NOP14: variants seen among roughly 807,000 people sequenced by gnomAD.
NOP14 encodes the protein NOP14 nucleolar protein.
NOP14 carries 57 observed loss-of-function variants against 101.6 expected under a neutral mutation model. The ratio of observed to expected loss-of-function variants is 0.56; its 90% CI spans 0.45 to 0.70. NOP14 has a LOEUF of 0.70. Among genes scored for constraint, NOP14 ranks in the 30% least tolerant of loss-of-function variants. The probability of loss-of-function intolerance (pLI) is 0.00; values close to 1 mark genes in which losing one functional copy is unlikely to be tolerated. For missense variants in NOP14, 1,134 were observed against 1,075.5 expected (o/e 1.05, Z -0.76); for synonymous variants, 428 against 424.0 (o/e 1.01, Z -0.12).
At position 2,939,087 on chromosome 4, in the gene NOP14, C is replaced by G. The variant is rs1040537540; in HGVS notation, c.2474+101G>C. ...CCTGGCTCCAACCCCCAGCCAGAGC[C>G]AAGGCTGTGGGATGCCAGGTGCCCG... On this transcript the variant is annotated intron_variant, in intron 17 of 17. Coordinates refer to ENST00000416614, the MANE Select transcript of NOP14 (RefSeq NM_001291978.2). The G allele has an allele frequency of 1.9e-6, 3 of 1,555,594 alleles. No homozygotes were observed. In the African/African-American group the frequency reaches 4.1e-5, roughly 21 times the overall value.
At chr4:2,948,059 G>A (rs1484938335) in intron 9 of NOP14, among the ~76,000 whole-genome samples, 1 of 152,246 alleles carries the variant, frequency 6.6e-6, no homozygotes, top group East Asian at 1.9e-4. Context: ...GCCTCTGGCT[G>A]GGTCTGGCAC....
In NOP14 at chr4:2,939,334, A is replaced by C. The variant is rs1221240017; in HGVS notation, c.2328T>G (p.Phe776Leu). 6.2e-6 allele frequency: 10 copies of C among 1,613,900 alleles called. No individual in the cohort carries two copies. The highest frequency in any genetic ancestry group is 8.5e-6 in the Non-Finnish European group (10 of 1,180,038). ...FTPRLVKVLE[F>L]GRKQGSSKEE... ...CCTTACTACTGCCTTGTTTTCTTCC[A>C]AACTCGAGGCTACAACCAGAAAGCC... Residue 776 changes from phenylalanine to leucine, a missense_variant, in exon 17 of 18, where the codon TTT becomes TTG. Phe to Leu is a conservative substitution (Grantham distance 22, BLOSUM62 0). Transcript: ENST00000416614.
chr4:2,957,572 A>G (rs1577849736), intron 2 of NOP14, 34 bp downstream of exon 2: 12 of 1,611,348 alleles, frequency 7.4e-6, no homozygotes. Context: ...TGTGAAATGT[A>G]CAGCAAAAAC....
chr4:2,939,274 G>A lies in NOP14; in HGVS notation c.2388C>T (p.His796=), dbSNP rs568065565. 2 of 1,614,018 alleles carry A rather than the reference G, an allele frequency of 1.2e-6. No homozygotes were observed. Among genetic ancestry groups the A allele is most frequent in the East Asian group, 2.2e-5 (1 of 44,882 alleles). ...GAACGGCCCCTTTAAATTCACGCTT[G>A]TGTTTGTGGATCAGCCTCTTCCTTT... is the stretch of plus-strand genomic sequence containing the variant. ...EQERKRLIHK[H]KREFKGAVRE... The change falls in exon 17 of 18, where the codon CAC becomes CAT. Residue 796 remains histidine (H), a synonymous_variant. Transcript: ENST00000416614.
At chr4:2,958,466 T>C (rs561102395) in intron 1 of NOP14, among the ~76,000 whole-genome samples, 1 of 152,158 alleles carries the variant, frequency 6.6e-6, no homozygotes, top group South Asian at 2.1e-4. Context: ...ACTTCTTCTA[T>C]TTGCTAAGGA....
chr4:2,959,402 G>C (rs1263329), intron 1 of NOP14, among the ~76,000 whole-genome samples: 79,305 of 151,820 alleles, frequency 0.52, 21,216 homozygotes, highest in Non-Finnish European at 0.59. Flanking sequence ...ACCATCCTGG[G>C]TAACATGGTG....
chr4:2,961,515 A>C (rs1715899736), intron 1 of NOP14: 1 of 152,170 alleles, frequency 6.6e-6, no homozygotes, highest in African/African-American at 2.4e-5. Context: ...AACCCACATG[A>C]AAAGACCCAG....
intron 12 of NOP14, 59 bp from the exon 13 acceptor site, chr4:2,944,285 G>A (rs1714444933): frequency 5.9e-6 from 9 of 1,533,168 alleles, no homozygotes; most frequent in Middle Eastern, 2.1e-4. Context: ...ATGCTAGGCC[G>A]ACCACCGGGC....
rs765401839 is a variant in NOP14 at position 2,946,473 on chromosome 4, A to G, written c.1574T>C (p.Met525Thr). ...CTCAATCATTTCTTCCATCTCATGCATCGCATCTCGGAGAACAAATTTGAT... is the reference window on the plus strand; with the variant it reads ...CTCAATCATTTCTTCCATCTCATGCGTCGCATCTCGGAGAACAAATTTGAT... ...DAIKFVLRDA[M>T]HEMEEMIETK... The change falls in exon 11 of 18, where the codon ATG becomes ACG. Residue 525 changes from methionine (M) to threonine (T), a missense_variant. Transcript: ENST00000416614. 1.2e-5 allele frequency: 19 copies of G among 1,614,114 alleles called. No individual in the cohort carries two copies. The South Asian group carries it at 1.2e-4, about 10-fold the overall frequency.
At chr4:2,947,357 C>T (rs914963129) in intron 10 of NOP14, 169 bp downstream of exon 10, 7 of 608,818 alleles carry the variant, frequency 1.1e-5, no homozygotes, top group Admixed American at 5.9e-5. Context: ...GAGAAGCCGG[C>T]TTGCGCTGTG....
At chr4:2,947,683 C>G (rs1304847869) in intron 9 of NOP14, 72 bp from the exon 10 acceptor site, 7 of 1,234,848 alleles carry the variant, frequency 5.7e-6, no homozygotes, top group Non-Finnish European at 8.3e-6. Flanking sequence ...CACACAGCTT[C>G]TGGATCACGT....
chr4:2,947,368 AG>A, intron 10 of NOP14, 157 bp downstream of exon 10: 5 of 619,202 alleles, frequency 8.1e-6, no homozygotes, highest in Non-Finnish European at 1.4e-5. Flanking sequence ...TTGCGCTGTG[AG>A]GCTCACAAGC....
Position 2,938,585 on chromosome 4 carries a change from T to C in NOP14, c.*246A>G. 2 of 514,706 alleles carry C rather than the reference T, an allele frequency of 3.9e-6. No homozygotes were observed. Among genetic ancestry groups the C allele is most frequent in the East Asian group, 3.6e-5 (1 of 27,808 alleles). 31.9% of individuals were successfully genotyped at this position (514,706 alleles called of 1,614,324 possible). On this transcript the variant is annotated 3_prime_UTR_variant, in exon 18 of 18. Coordinates refer to ENST00000416614, the MANE Select transcript of NOP14 (RefSeq NM_001291978.2). ...GTGCAGTGGCTCAATCACGGCTCACTGTAACCTTGGACTCAGCTCAAGCAG... is the reference window on the plus strand; with the variant it reads ...GTGCAGTGGCTCAATCACGGCTCACCGTAACCTTGGACTCAGCTCAAGCAG...
chr4:2,938,155 CAG>C lies in NOP14; in HGVS notation c.*674_*675del. 1 of 1,275,970 alleles carries C rather than the reference CAG, an allele frequency of 7.8e-7. No individual in the cohort carries two copies. Among genetic ancestry groups the C allele is most frequent in the African/African-American group, 1.5e-5 (1 of 65,342 alleles). 79.0% of individuals were successfully genotyped at this position (1,275,970 alleles called of 1,614,324 possible). A position where few individuals can be genotyped will look rare whatever the true frequency, so the allele number is the denominator to read the frequency against. On this transcript the variant is annotated 3_prime_UTR_variant, in exon 18 of 18. Coordinates refer to ENST00000416614, the MANE Select transcript of NOP14 (RefSeq NM_001291978.2). Reference sequence around the variant, plus strand: ...TCTATTTCATCAGGTGACGTTTTAACAGAAACAAAACCGCAGGCAGCGGGTGG... The same window carrying C: ...TCTATTTCATCAGGTGACGTTTTAACAAACAAAACCGCAGGCAGCGGGTGG...
chr4:2,961,946 T>C (rs182938121), intron 1 of NOP14, among the ~76,000 whole-genome samples: 10 of 152,286 alleles, frequency 6.6e-5, no homozygotes, highest in Admixed American at 1.3e-4. Context: ...ACCTGTCCTA[T>C]TTGGGTTACA....
intron 13 of NOP14, among the ~76,000 whole-genome samples, chr4:2,943,087 T>C (rs532150303): frequency 3.3e-5 from 5 of 152,246 alleles, no homozygotes; most frequent in African/African-American, 1.2e-4. Flanking sequence ...TATCTACAGG[T>C]GGCTCTCCCG....
chr4:2,942,253 G>C lies in NOP14; in HGVS notation c.1990C>G (p.Leu664Val), dbSNP rs771639187. 6.2e-7 allele frequency: 1 copy of C among 1,614,118 alleles called. No individual in the cohort carries two copies. Among genetic ancestry groups the C allele is most frequent in the Non-Finnish European group, 8.5e-7 (1 of 1,180,012 alleles). Residue 664 changes from leucine (L) to valine (V), a missense_variant, in exon 14 of 18, where the codon CTC becomes GTC. Coordinates refer to ENST00000416614, the MANE Select transcript of NOP14 (RefSeq NM_001291978.2). ...EDVATWQQSSLSLRWASRLRA... is the reference protein window; with the variant it reads ...EDVATWQQSSVSLRWASRLRA... ...AGTCTACTCGCCCAGCGGAGGGAGA[G>C]GCTGCTCTGCTGCCACGTGGCCACA...
Position 2,939,658 on chromosome 4 carries a change from A to C in NOP14, c.2200-13T>G, listed in dbSNP as rs1012944003. The C allele has an allele frequency of 6.3e-7, 1 of 1,598,724 alleles. No individual in the cohort carries two copies. The highest frequency in any genetic ancestry group is 8.6e-7 in the Non-Finnish European group (1 of 1,166,492). On this transcript the variant is annotated splice_polypyrimidine_tract_variant and intron_variant, in intron 15 of 17. Transcript: ENST00000416614. ...TCTGACACAGCTCCTGAAAAACACG[A>C]AATCCCCGACTCTGCGATGACTCAC...
In NOP14 at chr4:2,941,727, AG is replaced by A; in HGVS notation, c.2053del (p.Leu685CysfsTer11). On this transcript the variant is annotated frameshift_variant and splice_region_variant, in exon 15 of 18. Coordinates refer to ENST00000416614, the MANE Select transcript of NOP14 (RefSeq NM_001291978.2). LOFTEE classifies it high-confidence loss of function. ...GGCCAGGCCCACAGCCAGGCAGGAC[AG>A]TCTGTGAGGGCAGGAGGCAAGAGGA... is the stretch of plus-strand genomic sequence containing the variant. ...PTSTEANHIR[L>X]SCLAVGLALL... 1.2e-6 allele frequency: 2 copies of A among 1,612,270 alleles called. No homozygotes were observed. The highest frequency in any genetic ancestry group is 1.7e-6 in the Non-Finnish European group (2 of 1,179,552).
Sources: allele counts gnomAD v4.1 joint callset (sites outside exome capture counted in the v4.1 genomes callset), GRCh38; gene constraint gnomAD v4.1.1; transcripts MANE v1.5; gene names NCBI Gene and HGNC (gene_info 2026-07-23, HGNC 2026-07-21).